Variants in UBE2E2 observed in about 807,000 individuals in gnomAD.
The protein encoded by UBE2E2 is ubiquitin conjugating enzyme E2 E2.
UBE2E2 carries 6 observed loss-of-function variants against 24.7 expected under a neutral mutation model. The ratio of observed to expected loss-of-function variants is 0.24; its 90% CI spans 0.13 to 0.48. UBE2E2 has a LOEUF of 0.48. UBE2E2 is among the 20% of genes least tolerant of loss of function. UBE2E2 has a pLI of 0.99. For missense variants in UBE2E2, 169 were observed against 245.0 expected (o/e 0.69, Z 2.07); for synonymous variants, 104 against 83.6 (o/e 1.24, Z -1.33).
intron 4 of UBE2E2, among the ~76,000 whole-genome samples, chr3:23,503,421 C>T (rs916279530): frequency 3.3e-5 from 5 of 151,788 alleles, no homozygotes; most frequent in Non-Finnish European, 5.9e-5. Flanking sequence ...GAACTCCTGA[C>T]CTCAGGTGAT....
intron 3 of UBE2E2, among the ~76,000 whole-genome samples, chr3:23,243,397 T>C (rs1405277161): frequency 1.3e-5 from 2 of 152,214 alleles, no homozygotes; most frequent in African/African-American, 2.4e-5. Context: ...ACATTCAATC[T>C]CTGAGCCTCA....
intron 5 of UBE2E2, among the ~76,000 whole-genome samples, chr3:23,538,565 C>A (rs1695316785): frequency 6.6e-6 from 1 of 152,162 alleles, no homozygotes; most frequent in Non-Finnish European, 1.5e-5. Flanking sequence ...CCTGTAGAAT[C>A]CTGGGACACC....
intron 3 of UBE2E2, among the ~76,000 whole-genome samples, chr3:23,465,169 A>G (rs1217729688): frequency 1.3e-5 from 2 of 152,184 alleles, no homozygotes; most frequent in Admixed American, 6.5e-5. Flanking sequence ...CTTCCCAACA[A>G]TCCTTTGAGG....
intron 3 of UBE2E2, among the ~76,000 whole-genome samples, chr3:23,344,303 C>T (rs1258919464): frequency 6.6e-6 from 1 of 152,128 alleles, no homozygotes; most frequent in Non-Finnish European, 1.5e-5. Flanking sequence ...CACTTTCTAG[C>T]CTCCGACTCT....
intron 5 of UBE2E2, among the ~76,000 whole-genome samples, chr3:23,557,360 A>T (rs190354447): frequency 1.4e-4 from 21 of 152,138 alleles, no homozygotes; most frequent in Admixed American, 1.4e-3. Flanking sequence ...GTATTCATTC[A>T]TTCATTTTCC....
At chr3:23,417,238 G>T (rs918520523) in intron 3 of UBE2E2, among the ~76,000 whole-genome samples, 2 of 152,142 alleles carry the variant, frequency 1.3e-5, no homozygotes, top group Admixed American at 6.5e-5. Flanking sequence ...GGGTTTCTGT[G>T]TGGACGTCCT....
rs1025391123 is a variant in UBE2E2, at chr3:23,534,341, T to G, written c.508+1640T>G. The G allele has an allele frequency of 7.2e-6, 5 of 695,376 alleles. No homozygotes were observed. In the South Asian group the frequency reaches 3.2e-4, roughly 45 times the overall value. 43.1% of individuals were successfully genotyped at this position (695,376 alleles called of 1,614,324 possible). ...GTTCAGTGAACTAGTTTTTTTTTTT[T>G]GCTCCGTTTCAGAAAATTACAAATG... On this transcript the variant is annotated intron_variant, in intron 5 of 5. Coordinates refer to ENST00000396703, the MANE Select transcript of UBE2E2 (RefSeq NM_152653.4).
intron 4 of UBE2E2, among the ~76,000 whole-genome samples, chr3:23,522,034 A>G (rs1333548082): frequency 6.6e-6 from 1 of 152,108 alleles, no homozygotes; most frequent in African/African-American, 2.4e-5. Context: ...TGTTTGGTGG[A>G]ACAGCCGTTT....
intron 3 of UBE2E2, among the ~76,000 whole-genome samples, chr3:23,391,615 A>G (rs553493846): frequency 6.6e-6 from 1 of 152,286 alleles, no homozygotes; most frequent in African/African-American, 2.4e-5. Flanking sequence ...ACATTCAGGT[A>G]TTTCTTGCCA....
intron 3 of UBE2E2, among the ~76,000 whole-genome samples, chr3:23,302,142 G>T (rs1412023917): frequency 1.3e-5 from 2 of 151,966 alleles, no homozygotes; most frequent in African/African-American, 4.8e-5. Flanking sequence ...AGGTTTCTCT[G>T]TCTCCCAGTC....
chr3:23,346,066 C>G lies in UBE2E2; in HGVS notation c.227+128754C>G, dbSNP rs114704458. On this transcript the variant is annotated intron_variant, in intron 3 of 5. Coordinates refer to ENST00000396703, the MANE Select transcript of UBE2E2 (RefSeq NM_152653.4). The stretch of plus-strand genomic sequence containing the variant: ...TTGTTCTACTGGAATGCATTGTATT[C>G]CCTTCTTATTTTTAAGCCCCCCTAC... Among the ~76,000 whole-genome samples the G allele has an allele frequency of 7.7e-3, 1,168 of 152,182 alleles. 11 individuals are homozygous for G. Among genetic ancestry groups the G allele is most frequent in the African/African-American group, 0.021 (859 of 41,512 alleles).
rs544705469 is a variant in UBE2E2, at chr3:23,580,877, C to A, written c.509-8857C>A. On this transcript the variant is annotated intron_variant, in intron 5 of 5. Transcript: ENST00000396703. Reference sequence around the variant, plus strand: ...TATTGCATATTTTAATAACTTGATTCAGGTAATCAGATGTCCCAGAAAATA... The same window carrying A: ...TATTGCATATTTTAATAACTTGATTAAGGTAATCAGATGTCCCAGAAAATA... 8.6e-5 allele frequency among the ~76,000 whole-genome samples: 13 copies of A among 151,684 alleles called. No individual in the cohort carries two copies. In the East Asian group the frequency reaches 2.6e-3, roughly 30 times the overall value.
At chr3:23,419,688 C>T (rs531427932) in intron 3 of UBE2E2, among the ~76,000 whole-genome samples, 2 of 152,290 alleles carry the variant, frequency 1.3e-5, no homozygotes, top group Admixed American at 1.3e-4. Flanking sequence ...GGGACATACT[C>T]CTTTCCCTCA....
chr3:23,577,683 C>T (rs1696375344), intron 5 of UBE2E2, among the ~76,000 whole-genome samples: 1 of 152,208 alleles, frequency 6.6e-6, no homozygotes, highest in Non-Finnish European at 1.5e-5. Flanking sequence ...AAGGTGGCTA[C>T]ATTAAACAGA....
chr3:23,324,249 G>A (rs772071680), intron 3 of UBE2E2, among the ~76,000 whole-genome samples: 6 of 152,018 alleles, frequency 3.9e-5, no homozygotes, highest in Non-Finnish European at 7.4e-5. Flanking sequence ...TGTATTAGTT[G>A]AATCTGTGAT....
intron 3 of UBE2E2, among the ~76,000 whole-genome samples, chr3:23,438,798 T>C (rs1344461453): frequency 1.3e-5 from 2 of 152,212 alleles, no homozygotes; most frequent in African/African-American, 4.8e-5. Flanking sequence ...AAATATTTGG[T>C]TTCAGCTGTA....
intron 3 of UBE2E2, among the ~76,000 whole-genome samples, chr3:23,377,322 T>C (rs1696548905): frequency 6.6e-6 from 1 of 152,202 alleles, no homozygotes; most frequent in Admixed American, 6.5e-5. Flanking sequence ...CATCTAAAAG[T>C]GTGTTACTCT....
At chr3:23,361,516 T>A (rs1202373119) in intron 3 of UBE2E2, among the ~76,000 whole-genome samples, 2 of 152,234 alleles carry the variant, frequency 1.3e-5, no homozygotes, top group Non-Finnish European at 2.9e-5. Context: ...GAATGAAGTA[T>A]GTTCTTTGCA....
chr3:23,520,217 C>A (rs1480596102), intron 4 of UBE2E2, among the ~76,000 whole-genome samples: 1 of 151,536 alleles, frequency 6.6e-6, no homozygotes, highest in Admixed American at 6.6e-5. Context: ...TTGGAATTGA[C>A]TTTACTGTGA....
Sources: gnomAD v4.1 joint callset for allele counts (sites outside exome capture counted in the v4.1 genomes callset) on GRCh38, gnomAD v4.1.1 for gene constraint, MANE v1.5 for transcripts, NCBI Gene and HGNC (gene_info 2026-07-23, HGNC 2026-07-21) for gene names.